The following PALMD variants were observed in gnomAD, a reference collection of about 807,000 sequenced individuals.
The protein encoded by PALMD is palmdelphin.
Under a neutral mutation model 56.2 loss-of-function variants are expected in PALMD, and 42 were observed. That is an observed-to-expected ratio of 0.75 (90% CI 0.58 to 0.97). The LOEUF (loss-of-function observed/expected upper bound fraction) is 0.97. Among genes scored for constraint, PALMD ranks in the 50% least tolerant of loss-of-function variants. The pLI is 0.00. For synonymous variants in PALMD, 242 were observed against 222.9 expected, an observed-to-expected ratio of 1.09 and a Z score of -0.76; for missense variants, 660 against 643.8, an observed-to-expected ratio of 1.03 and a Z score of -0.27.
Position 99,677,000 on chromosome 1 carries a change from T to C in PALMD, c.251+9234T>C, listed in dbSNP as rs111368001. Among the ~76,000 whole-genome samples the C allele has an allele frequency of 1.4e-4, 21 of 152,276 alleles. No individual in the cohort carries two copies. In the South Asian group the frequency reaches 3.1e-3, roughly 23 times the overall value. ...AACTGTATGTACTCAATAATAGCCATTGAATTTCCAGAGAGATTATTTTAG... is the reference window on the plus strand; with the variant it reads ...AACTGTATGTACTCAATAATAGCCACTGAATTTCCAGAGAGATTATTTTAG... On this transcript the variant is annotated intron_variant, in intron 3 of 7. Transcript: ENST00000263174.
rs763111291 is a variant in PALMD at position 99,694,046 on chromosome 1, G to A, written c.1640G>A (p.Gly547Glu). The change falls in exon 8 of 8, where the codon GGA becomes GAA. Residue 547 changes from glycine to glutamate, a missense_variant. Physicochemically the swap from Gly to Glu is moderately conservative, Grantham distance 98. Transcript: ENST00000263174. ...TALRMRMAKL[G>E]KKVI is the part of the protein sequence containing the mutation. Reference sequence around the variant, plus strand: ...TTAAGGATGAGAATGGCAAAGCTGGGAAAAAAGGTGATCTAAGAGTTGTAC... The same window carrying A: ...TTAAGGATGAGAATGGCAAAGCTGGAAAAAAAGGTGATCTAAGAGTTGTAC... The A allele has an allele frequency of 1.3e-6, 2 of 1,598,922 alleles. No individual in the cohort carries two copies. Among genetic ancestry groups the A allele is most frequent in the Non-Finnish European group, 1.7e-6 (2 of 1,169,722 alleles).
intron 1 of PALMD, among the ~76,000 whole-genome samples, chr1:99,655,733 C>G (rs752343729): frequency 7.9e-5 from 12 of 152,190 alleles, no homozygotes; most frequent in Non-Finnish European, 1.3e-4. Context: ...GTCTTCAATG[C>G]TGTATTTCCT....
In PALMD at chr1:99,686,753, T is replaced by G. The variant is rs1258275741; in HGVS notation, c.329T>G (p.Leu110Arg). 6.2e-7 allele frequency: 1 copy of G among 1,604,740 alleles called. No homozygotes were observed. The highest frequency in any genetic ancestry group is 8.5e-7 in the Non-Finnish European group (1 of 1,172,686). The change falls in exon 4 of 8, where the codon CTA (leucine) becomes CGA (arginine). Residue 110 changes from leucine to arginine, a missense_variant. By Grantham distance (102) the Leu-to-Arg change is moderately radical. Transcript: ENST00000263174. ...STKEEAILKK[L>R]KSIERTTEDI... ...AAGGAAGAGGCCATTTTAAAGAAAC[T>G]AAAGTCAATTGAGCGGACAACAGAA...
chr1:99,693,773 T>G (rs1653716372), intron 7 of PALMD, among the ~76,000 whole-genome samples: 1 of 152,188 alleles, frequency 6.6e-6, no homozygotes, highest in African/African-American at 2.4e-5. Flanking sequence ...ACTTGTACTG[T>G]TTGCTCTACT....
rs764573653 is a variant in PALMD, at chr1:99,689,296, A to T, written c.1036A>T (p.Arg346Trp). 1.5e-5 allele frequency: 25 copies of T among 1,613,612 alleles called. No individual in the cohort carries two copies. The highest frequency in any genetic ancestry group is 8.5e-7 in the Non-Finnish European group (1 of 1,179,844). ...AEEKLHTPQK[R>W]LMTPWEESNV... ...AGAGAAGCTTCACACCCCGCAAAAA[A>T]GGCTAATGACTCCTTGGGAAGAATC... Residue 346 changes from arginine to tryptophan, a missense_variant, in exon 7 of 8, where the codon AGG (arginine) becomes TGG (tryptophan). By Grantham distance (101) the Arg-to-Trp change is moderately radical. Transcript: ENST00000263174.
chr1:99,646,226 TTC>T lies in PALMD; in HGVS notation c.-90_-89del, dbSNP rs1345544392. 18 of 981,602 alleles carry T rather than the reference TTC, an allele frequency of 1.8e-5. No individual in the cohort carries two copies. The highest frequency in any genetic ancestry group is 2.2e-4 in the Middle Eastern group (1 of 4,630). The allele number at this position is 981,602 out of a possible 1,614,324, so 60.8% of individuals were successfully genotyped here. A position where few individuals can be genotyped will look rare whatever the true frequency, so the allele number is the denominator to read the frequency against. On this transcript the variant is annotated 5_prime_UTR_variant, in exon 1 of 8. Transcript: ENST00000263174. ...AAGAGCGGATTTCTCCCTGCTTCTC[TTC>T]TGTCACCCCCGCTCCTCTCCCCCAG...
At chr1:99,671,197 T>C (rs1377937611) in intron 3 of PALMD, among the ~76,000 whole-genome samples, 2 of 152,228 alleles carry the variant, frequency 1.3e-5, no homozygotes, top group East Asian at 1.9e-4. Flanking sequence ...AAGATTTTAA[T>C]GGGAACATCA....
chr1:99,655,852 ATC>A (rs1423097637), intron 1 of PALMD, among the ~76,000 whole-genome samples: 1 of 152,156 alleles, frequency 6.6e-6, no homozygotes, highest in Non-Finnish European at 1.5e-5. Context: ...ATCATATTTT[ATC>A]TCTGTCATTT....
rs12727370 is a variant in PALMD, at chr1:99,652,870, T to A, written c.45+6508T>A. Among the ~76,000 whole-genome samples, 3 of 152,288 alleles carry A rather than the reference T, an allele frequency of 2.0e-5. 1 individual carries two copies. The highest frequency in any genetic ancestry group is 4.4e-5 in the Non-Finnish European group (3 of 68,016). On this transcript the variant is annotated intron_variant, in intron 1 of 7. Transcript: ENST00000263174. ...CTAACCCAAAACAGTTCTCCACCTCTGCAGTCTCTTCCCACCTTCCCCAGT... is the reference window on the plus strand; with the variant it reads ...CTAACCCAAAACAGTTCTCCACCTCAGCAGTCTCTTCCCACCTTCCCCAGT...
chr1:99,648,603 C>T (rs2297919), intron 1 of PALMD, among the ~76,000 whole-genome samples: 3,904 of 151,864 alleles, frequency 0.026, 139 homozygotes, highest in African/African-American at 0.077. Context: ...AGAATGAAAT[C>T]AGAAGGCAAT....
chr1:99,662,791 C>T (rs1557668811), intron 2 of PALMD, among the ~76,000 whole-genome samples: 1 of 152,136 alleles, frequency 6.6e-6, no homozygotes, highest in Non-Finnish European at 1.5e-5. Flanking sequence ...GGGTGCAGAA[C>T]AGTGTCTGGC....
In PALMD at chr1:99,689,536, A is replaced by G; in HGVS notation, c.1276A>G (p.Ser426Gly). ...IFMGYQQAED[S>G]EEDKKFLTGY... ...CATGGGGTATCAGCAGGCAGAAGACAGTGAAGAAGATAAGAAGTTTCTGAC... is the reference window on the plus strand; with the variant it reads ...CATGGGGTATCAGCAGGCAGAAGACGGTGAAGAAGATAAGAAGTTTCTGAC... Residue 426 changes from serine (S) to glycine (G), a missense_variant, in exon 7 of 8, where the codon AGT becomes GGT. Physicochemically the swap from Ser to Gly is moderately conservative, Grantham distance 56 (BLOSUM62 0). Transcript: ENST00000263174. 1 of 1,613,808 alleles carries G rather than the reference A, an allele frequency of 6.2e-7. No individual in the cohort carries two copies. The highest frequency in any genetic ancestry group is 8.5e-7 in the Non-Finnish European group (1 of 1,179,838).
At chr1:99,678,901 C>T (rs1171768928) in intron 3 of PALMD, among the ~76,000 whole-genome samples, 1 of 151,162 alleles carries the variant, frequency 6.6e-6, no homozygotes, top group Non-Finnish European at 1.5e-5. Context: ...CAAGGCAAGG[C>T]GGGAGGATCT....
At chr1:99,668,604 A>G (rs1443642098) in intron 3 of PALMD, 2 of 152,178 alleles carry the variant, frequency 1.3e-5, no homozygotes, top group Admixed American at 1.3e-4. Flanking sequence ...AGAAGGTTCT[A>G]TAGGAATACT....
chr1:99,670,902 C>CA (rs915783415), intron 3 of PALMD, among the ~76,000 whole-genome samples: 23 of 151,718 alleles, frequency 1.5e-4, no homozygotes, highest in Non-Finnish European at 1.9e-4. Flanking sequence ...AAAACAAAAA[C>CA]AAAAAAACAA....
At chr1:99,692,110 G>A (rs1476907554) in intron 7 of PALMD, among the ~76,000 whole-genome samples, 5 of 152,164 alleles carry the variant, frequency 3.3e-5, no homozygotes, top group African/African-American at 9.7e-5. Context: ...CATGGCCCCA[G>A]CCAGCTTTGC....
intron 3 of PALMD, among the ~76,000 whole-genome samples, chr1:99,680,630 G>A (rs375211819): frequency 5.3e-5 from 8 of 152,012 alleles, no homozygotes; most frequent in Non-Finnish European, 8.8e-5. Context: ...AGATGGGGAC[G>A]GCAGCACTTA....
intron 7 of PALMD, among the ~76,000 whole-genome samples, chr1:99,692,994 A>C (rs5006737): frequency 0.023 from 3,516 of 152,348 alleles, 126 homozygotes; most frequent in African/African-American, 0.08. Flanking sequence ...ATTTCATATA[A>C]GTGGAGTGAC....
At chr1:99,676,010 C>T (rs758720721) in intron 3 of PALMD, among the ~76,000 whole-genome samples, 3 of 152,154 alleles carry the variant, frequency 2.0e-5, no homozygotes, top group Non-Finnish European at 4.4e-5. Flanking sequence ...CTGTTCCCAA[C>T]CATCAGAGCA....
Sources: gnomAD v4.1 joint callset for allele counts (sites outside exome capture counted in the v4.1 genomes callset) on GRCh38, gnomAD v4.1.1 for gene constraint, MANE v1.5 for transcripts, NCBI Gene and HGNC (gene_info 2026-07-23, HGNC 2026-07-21) for gene names.